The following RMND1 variants were observed in gnomAD, a reference collection of about 807,000 sequenced individuals.
RMND1 encodes required for meiotic nuclear division protein 1 homolog.
In RMND1, 41 loss-of-function variants were observed where a neutral mutation model predicts 54.0. The ratio of observed to expected loss-of-function variants is 0.76; its 90% CI spans 0.59 to 0.98. RMND1 has a LOEUF of 0.98. Among genes scored for constraint, RMND1 ranks in the 50% least tolerant of loss-of-function variants. The probability of loss-of-function intolerance (pLI) is 0.00; values close to 1 mark genes in which losing one functional copy is unlikely to be tolerated. For synonymous variants in RMND1, 183 were observed against 181.7 expected (o/e 1.01, Z -0.06); for missense variants, 457 against 532.0 (o/e 0.86, Z 1.39).
intron 1 of RMND1, among the ~76,000 whole-genome samples, chr6:151,449,681 G>A (rs1473303649): frequency 2.6e-5 from 4 of 151,804 alleles, no homozygotes; most frequent in Non-Finnish European, 5.9e-5. Context: ...TCTCCCCACG[G>A]TCTCCCTCTG....
At chr6:151,439,816 C>T (rs981642118) in intron 2 of RMND1, among the ~76,000 whole-genome samples, 11 of 152,154 alleles carry the variant, frequency 7.2e-5, no homozygotes, top group African/African-American at 2.2e-4. Flanking sequence ...TGCGCCACCA[C>T]GCCCAGCTAA....
At chr6:151,426,071 C>T (rs528265298) in intron 6 of RMND1, among the ~76,000 whole-genome samples, 1 of 151,986 alleles carries the variant, frequency 6.6e-6, no homozygotes, top group South Asian at 2.1e-4. Flanking sequence ...GCCTCCGCCT[C>T]CCAAGTAGCT....
Position 151,433,250 on chromosome 6 carries a change from A to G in RMND1, c.614-20T>C. 6.4e-7 allele frequency: 1 copy of G among 1,571,780 alleles called. No homozygotes were observed. Among genetic ancestry groups the G allele is most frequent in the Non-Finnish European group, 8.7e-7 (1 of 1,144,604 alleles). ...CTGCATCTGTGATTTAAAATAAACG[A>G]ACAAAAAAGCTATGTCAAGGTAACA... On this transcript the variant is annotated intron_variant, in intron 3 of 11. Transcript: ENST00000444024.
In RMND1 at chr6:151,445,687, C is replaced by A. The variant is rs11550103; in HGVS notation, c.125G>T (p.Ser42Ile). 0.11 allele frequency: 182,198 copies of A among 1,613,896 alleles called. 10,919 individuals carry two copies. The highest frequency in any genetic ancestry group is 0.19 in the Middle Eastern group (1,141 of 6,062). Residue 42 changes from serine to isoleucine, a missense_variant, in exon 2 of 12, where the codon AGC (serine) becomes ATC (isoleucine). Coordinates refer to ENST00000444024, the MANE Select transcript of RMND1 (RefSeq NM_017909.4). ...PLKEFENTTC[S>I]TLTIRQSLDL... ...CAAGCTTTGACGTATTGTCAGTGTG[C>A]TGCATGTTGTATTTTCAAATTCCTT...
At chr6:151,443,320 C>G (rs565180264) in intron 2 of RMND1, among the ~76,000 whole-genome samples, 1 of 152,198 alleles carries the variant, frequency 6.6e-6, no homozygotes, top group East Asian at 1.9e-4. Context: ...TGATTTTCTT[C>G]TCTTTTTTTG....
Position 151,430,312 on chromosome 6 carries a change from A to G in RMND1, c.690-135T>C. 6.7e-6 allele frequency: 4 copies of G among 600,816 alleles called. No individual in the cohort carries two copies. The South Asian group carries it at 9.3e-5, about 14-fold the overall frequency. 37.2% of individuals were successfully genotyped at this position (600,816 alleles called of 1,614,324 possible). On this transcript the variant is annotated intron_variant, in intron 4 of 11. Transcript: ENST00000444024. ...AAATATGATGGTACTTACTAATTTG[A>G]TATTATGGTCCTTAGGTGAACTTCC...
At chr6:151,442,080 A>G (rs2114966629) in intron 2 of RMND1, among the ~76,000 whole-genome samples, 1 of 152,290 alleles carries the variant, frequency 6.6e-6, no homozygotes, top group East Asian at 1.9e-4. Flanking sequence ...AGGTCCCCAT[A>G]TATTTGATGT....
At chr6:151,426,123 A>G (rs367793086) in intron 6 of RMND1, among the ~76,000 whole-genome samples, 23 of 151,930 alleles carry the variant, frequency 1.5e-4, no homozygotes, top group East Asian at 7.7e-4. Flanking sequence ...TAATTTTTGT[A>G]TTTTTAGTAG....
At chr6:151,440,486 A>G (rs7752091) in intron 2 of RMND1, among the ~76,000 whole-genome samples, 47,573 of 152,110 alleles carry the variant, frequency 0.31, 7,614 homozygotes, top group East Asian at 0.37. Context: ...GCTCCAAATA[A>G]ATTATGAATA....
rs189089745 is a variant in RMND1 at position 151,440,837 on chromosome 6, T to C, written c.505-4283A>G. On this transcript the variant is annotated intron_variant, in intron 2 of 11. Coordinates refer to ENST00000444024, the MANE Select transcript of RMND1 (RefSeq NM_017909.4). Reference sequence around the variant, plus strand: ...AATGTCTTGTCTGCTTTTTTTTCTTTATTAAAGATGCTGTTGTTTTCTGAG... The same window carrying C: ...AATGTCTTGTCTGCTTTTTTTTCTTCATTAAAGATGCTGTTGTTTTCTGAG... Among the ~76,000 whole-genome samples the C allele has an allele frequency of 2.7e-3, 413 of 152,334 alleles. 2 individuals carry two copies. Among genetic ancestry groups the C allele is most frequent in the Non-Finnish European group, 3.6e-3 (247 of 68,040 alleles).
At chr6:151,414,592 G>A (rs553307783) in intron 10 of RMND1, among the ~76,000 whole-genome samples, 2 of 152,122 alleles carry the variant, frequency 1.3e-5, no homozygotes, top group South Asian at 4.2e-4. Flanking sequence ...TCTCTGCAAA[G>A]AAACAGAAGA....
Position 151,405,115 on chromosome 6 carries a change from C to T in RMND1, c.*120G>A. On this transcript the variant is annotated 3_prime_UTR_variant, in exon 12 of 12. Transcript: ENST00000444024. ...AGCTCCTGATCTCATCTCAAGCCAC[C>T]CTTCTTGGCCTCCGAAAGTGCTGGG... is the stretch of plus-strand genomic sequence containing the variant. The T allele has an allele frequency of 1.3e-6, 1 of 799,476 alleles. No individual in the cohort carries two copies. Among genetic ancestry groups the T allele is most frequent in the South Asian group, 1.6e-5 (1 of 62,756 alleles). 49.5% of individuals were successfully genotyped at this position (799,476 alleles called of 1,614,324 possible). A position where few individuals can be genotyped will look rare whatever the true frequency, so the allele number is the denominator to read the frequency against.
intron 10 of RMND1, chr6:151,408,695 G>C (rs570854060): frequency 4.6e-5 from 7 of 152,132 alleles, no homozygotes; most frequent in South Asian, 2.1e-4. Flanking sequence ...TAATCACAAG[G>C]GTCCTTAAAA....
intron 10 of RMND1, among the ~76,000 whole-genome samples, chr6:151,413,050 G>A (rs1400376540): frequency 6.6e-6 from 1 of 152,174 alleles, no homozygotes; most frequent in Non-Finnish European, 1.5e-5. Context: ...GCTCTATGGA[G>A]AAGCTTCTGG....
chr6:151,447,866 T>G (rs971393145), intron 1 of RMND1, among the ~76,000 whole-genome samples: 3 of 146,350 alleles, frequency 2.0e-5, no homozygotes, highest in African/African-American at 7.7e-5. Flanking sequence ...CAGGCTGGAG[T>G]GCAGTGGTGC....
At chr6:151,447,978 T>A (rs1204954892) in intron 1 of RMND1, among the ~76,000 whole-genome samples, 1 of 151,980 alleles carries the variant, frequency 6.6e-6, no homozygotes, top group Admixed American at 6.6e-5. Context: ...CATGCCTAGT[T>A]AATTTTTTTG....
chr6:151,449,201 T>C (rs1178046548), intron 1 of RMND1, among the ~76,000 whole-genome samples: 3 of 151,120 alleles, frequency 2.0e-5, no homozygotes, highest in Non-Finnish European at 2.9e-5. Flanking sequence ...ACCTCGTCTC[T>C]ACTAAAAATA....
chr6:151,412,564 TGC>T (rs1212733418), intron 10 of RMND1, among the ~76,000 whole-genome samples: 4 of 152,212 alleles, frequency 2.6e-5, no homozygotes, highest in Non-Finnish European at 5.9e-5. Flanking sequence ...CAGTCTCTCT[TGC>T]TCTCTGTATT....
Position 151,427,528 on chromosome 6 carries a change from C to A in RMND1, c.784G>T (p.Ala262Ser), listed in dbSNP as rs780762134. 1.8e-5 allele frequency: 29 copies of A among 1,612,334 alleles called. No individual in the cohort carries two copies. Among genetic ancestry groups the A allele is most frequent in the Non-Finnish European group, 1.7e-5 (20 of 1,178,826 alleles). ...TCTTCATTTTCCCAGTGTACCAGTG[C>A]GATTTCATAGGGCTGAATTTCATGT... Reference protein sequence around the residue: ...EKHEIQPYEIALVHWENEELN... With the variant: ...EKHEIQPYEISLVHWENEELN... The change falls in exon 6 of 12, where the codon GCA becomes TCA. Residue 262 changes from alanine to serine, a missense_variant. Ala to Ser is a moderately conservative substitution (Grantham distance 99). Transcript: ENST00000444024.
Sources: gnomAD v4.1 joint callset for allele counts (sites outside exome capture counted in the v4.1 genomes callset) on GRCh38, gnomAD v4.1.1 for gene constraint, MANE v1.5 for transcripts, NCBI Gene and HGNC (gene_info 2026-07-23, HGNC 2026-07-21) for gene names.